The following SATL1 variants were observed in gnomAD, a reference collection of about 807,000 sequenced individuals.
SATL1 encodes spermidine/spermine N1-acetyl transferase like 1.
In SATL1, 47 loss-of-function variants were observed where a neutral mutation model predicts 51.8. The observed-to-expected ratio is 0.91, with a 90% CI of 0.72 to 1.16. The LOEUF is 1.16. Ranked by LOEUF, SATL1 falls within the 50% of genes most tolerant of loss-of-function variation. The probability of loss-of-function intolerance (pLI) is 0.00; values close to 1 mark genes in which losing one functional copy is unlikely to be tolerated. For missense variants in SATL1, 520 were observed against 526.4 expected, an observed-to-expected ratio of 0.99 and a Z score of 0.12; for synonymous variants, 176 against 182.4, an observed-to-expected ratio of 0.97 and a Z score of 0.28.
At chrX:85,151,227 G>A (rs1602872013) in intron 2 of SATL1, among the ~76,000 whole-genome samples, 2 of 110,216 alleles carry the variant, frequency 1.8e-5, no homozygotes, top group African/African-American at 3.3e-5. Flanking sequence ...TTGCTTCAAA[G>A]AGAATAAAAT....
chrX:85,221,793 G>C (rs1200579133), intron 2 of SATL1, among the ~76,000 whole-genome samples: 2 of 112,282 alleles, frequency 1.8e-5, no homozygotes, highest in Non-Finnish European at 1.9e-5. Flanking sequence ...GTTGTTGAAA[G>C]ACTCCTTTAT....
intron 2 of SATL1, among the ~76,000 whole-genome samples, chrX:85,156,932 TG>T (rs1450381901): frequency 2.0e-5 from 2 of 101,898 alleles, no homozygotes; most frequent in African/African-American, 7.4e-5. Context: ...CAGAGACTTG[TG>T]GGAATCTCTT....
chrX:85,211,373 C>T (rs965073790), intron 2 of SATL1: 1 of 110,801 alleles, frequency 9.0e-6, no homozygotes, highest in Admixed American at 9.6e-5. Context: ...TGCTTCAATG[C>T]CCATATTCTT....
At chrX:85,227,588 AC>A (rs757515118) in intron 1 of SATL1, among the ~76,000 whole-genome samples, 2 of 92,410 alleles carry the variant, frequency 2.2e-5, no homozygotes, top group Non-Finnish European at 2.4e-5. Context: ...ATGAGGAATT[AC>A]AGAGAACAGA....
intron 2 of SATL1, among the ~76,000 whole-genome samples, chrX:85,117,071 C>A (rs1322518055): frequency 9.0e-6 from 1 of 111,641 alleles, no homozygotes; most frequent in Non-Finnish European, 1.9e-5. Context: ...TAGGCCACTG[C>A]ACATGCGGGC....
At chrX:85,147,677 T>C (rs1926294974) in intron 2 of SATL1, among the ~76,000 whole-genome samples, 1 of 111,914 alleles carries the variant, frequency 8.9e-6, no homozygotes, top group South Asian at 3.7e-4. Context: ...AAATCTGCTG[T>C]TCTGCAGCCA....
chrX:85,152,782 A>C (rs1028326676), intron 2 of SATL1, among the ~76,000 whole-genome samples: 4 of 109,816 alleles, frequency 3.6e-5, no homozygotes, highest in Non-Finnish European at 5.7e-5. Context: ...ACACATGGAC[A>C]CAGGAAGGGG....
intron 1 of SATL1, among the ~76,000 whole-genome samples, chrX:85,235,378 C>T (rs1928459130): frequency 9.0e-6 from 1 of 111,303 alleles, no homozygotes; most frequent in African/African-American, 3.3e-5. Flanking sequence ...TTACAGAACA[C>T]TTCATCCAAA....
intron 2 of SATL1, among the ~76,000 whole-genome samples, chrX:85,183,354 T>C (rs1277813808): frequency 1.8e-5 from 2 of 110,315 alleles, no homozygotes; most frequent in African/African-American, 6.6e-5. Context: ...ATGTTCTCGG[T>C]GCCTTTGTCA....
chrX:85,181,939 C>A (rs1306408392), intron 2 of SATL1, among the ~76,000 whole-genome samples: 2 of 111,052 alleles, frequency 1.8e-5, no homozygotes, highest in Non-Finnish European at 3.8e-5. Context: ...CCTCTTAAAG[C>A]AAGTTTTCTT....
chrX:85,217,806 A>G (rs368912459), intron 2 of SATL1, among the ~76,000 whole-genome samples: 3 of 111,722 alleles, frequency 2.7e-5, no homozygotes, highest in East Asian at 5.6e-4. Flanking sequence ...TGGTCTGCCT[A>G]TCTCTCTGAC....
intron 2 of SATL1, among the ~76,000 whole-genome samples, chrX:85,137,624 A>T (rs757248217): frequency 5.6e-4 from 62 of 111,515 alleles, no homozygotes; most frequent in African/African-American, 1.8e-3. Context: ...TAAATTATAT[A>T]TCTAGGTATA....
At chrX:85,135,154 A>G (rs1925920022) in intron 2 of SATL1, among the ~76,000 whole-genome samples, 1 of 109,986 alleles carries the variant, frequency 9.1e-6, no homozygotes, top group Admixed American at 9.8e-5. Flanking sequence ...GCAGGAAACA[A>G]CACACACTGG....
chrX:85,165,162 C>T (rs1926805960), intron 2 of SATL1, among the ~76,000 whole-genome samples: 1 of 111,573 alleles, frequency 9.0e-6, no homozygotes, highest in Admixed American at 9.5e-5. Context: ...TCTCCTCTCC[C>T]TCAGGAAAAC....
rs1928379904 is a variant in SATL1 at position 85,231,443 on chromosome X, C to G, written c.-434-7117G>C. Among the ~76,000 whole-genome samples, 3 of 111,713 alleles carry G rather than the reference C, an allele frequency of 2.7e-5. No homozygotes were observed. In the Admixed American group the frequency reaches 2.8e-4, roughly 11 times the overall value. On this transcript the variant is annotated intron_variant, in intron 1 of 7. Transcript: ENST00000644105. ...TGGGAACACCAAATTGAACAACTAT[C>G]CACACAAAAAGCTACCTTCATTAGA...
In SATL1 at chrX:85,115,154, G is replaced by A. The variant is rs959691376; in HGVS notation, c.-312-5874C>T. Reference sequence around the variant, plus strand: ...AAACAGCAGCCCTTGGATTCCAGAGGGTAAAGTTTATTTGCCCTCTTGACC... The same window carrying A: ...AAACAGCAGCCCTTGGATTCCAGAGAGTAAAGTTTATTTGCCCTCTTGACC... On this transcript the variant is annotated intron_variant, in intron 2 of 7. Transcript: ENST00000644105. Among the ~76,000 whole-genome samples the A allele has an allele frequency of 5.8e-4, 65 of 111,689 alleles. 4 individuals carry two copies. The highest frequency in any genetic ancestry group is 1.9e-5 in the Non-Finnish European group (1 of 53,132).
chrX:85,115,480 A>G (rs1382557110), intron 2 of SATL1, among the ~76,000 whole-genome samples: 2 of 112,445 alleles, frequency 1.8e-5, no homozygotes, highest in Non-Finnish European at 3.8e-5. Context: ...GAAGGGTTGG[A>G]GGTCATCTGA....
chrX:85,109,004 G>C lies in SATL1; in HGVS notation c.-36C>G. Reference sequence around the variant, plus strand: ...TTCCTGCTTTGTTGACTAAGGATGGGGTGGCAGATGATGGGTTGGCAGACA... The same window carrying C: ...TTCCTGCTTTGTTGACTAAGGATGGCGTGGCAGATGATGGGTTGGCAGACA... On this transcript the variant is annotated 5_prime_UTR_variant, in exon 3 of 8. Transcript: ENST00000644105. 1.8e-6 allele frequency: 2 copies of C among 1,140,273 alleles called. No homozygotes were observed. Among genetic ancestry groups the C allele is most frequent in the Non-Finnish European group, 1.2e-6 (1 of 847,659 alleles). 94.0% of individuals were successfully genotyped at this position (1,140,273 alleles called of 1,213,427 possible).
chrX:85,229,877 C>T (rs1330217369), intron 1 of SATL1, among the ~76,000 whole-genome samples: 1 of 110,920 alleles, frequency 9.0e-6, no homozygotes, highest in African/African-American at 3.3e-5. Context: ...TTAAAGTAGG[C>T]GAAAGACTTC....
Sources: allele counts gnomAD v4.1 joint callset (sites outside exome capture counted in the v4.1 genomes callset), GRCh38; gene constraint gnomAD v4.1.1; transcripts MANE v1.5; gene names NCBI Gene and HGNC (gene_info 2026-07-23, HGNC 2026-07-21).